The following ANO5 variants were observed in gnomAD, a reference collection of about 807,000 sequenced individuals.
The protein encoded by ANO5 is anoctamin 5, also known as anoctamin-5.
Under a neutral mutation model 121.0 loss-of-function variants are expected in ANO5, and 109 were observed. The ratio of observed to expected loss-of-function variants is 0.90; its 90% confidence interval spans 0.77 to 1.06. ANO5 has a LOEUF of 1.06. Ranked by LOEUF, ANO5 falls within the 50% of genes least tolerant of loss-of-function variation. The pLI is 0.00. For missense variants in ANO5, 1,064 were observed against 1,078.5 expected (o/e 0.99, Z 0.19); for synonymous variants, 406 against 359.9 (o/e 1.13, Z -1.45).
rs370056696 is a variant in ANO5 at position 22,254,712 on chromosome 11, T to A, written c.1181-659T>A. On this transcript the variant is annotated intron_variant, in intron 12 of 21. Coordinates refer to ENST00000324559, the MANE Select transcript of ANO5 (RefSeq NM_213599.3). ...TGGGTATATTTATTTTGTGAATTTT[T>A]TTGAATTGTACATTTATACTTTATG... Among the ~76,000 whole-genome samples the A allele has an allele frequency of 3.9e-5, 6 of 152,272 alleles. No individual in the cohort carries two copies. The South Asian group carries it at 1.0e-3, about 26-fold the overall frequency.
At chr11:22,273,912 C>T (rs1854729801) in intron 19 of ANO5, among the ~76,000 whole-genome samples, 1 of 151,912 alleles carries the variant, frequency 6.6e-6, no homozygotes, top group Non-Finnish European at 1.5e-5. Flanking sequence ...CTGAATGTAC[C>T]ATTAGCCATA....
chr11:22,276,886 T>G (rs1212767316), intron 21 of ANO5, among the ~76,000 whole-genome samples: 2 of 151,270 alleles, frequency 1.3e-5, no homozygotes, highest in African/African-American at 4.9e-5. Flanking sequence ...AAGACAATCC[T>G]AACCCAAGAA....
chr11:22,195,042 C>A (rs1231712570), intron 1 of ANO5, among the ~76,000 whole-genome samples: 1 of 152,176 alleles, frequency 6.6e-6, no homozygotes, highest in Non-Finnish European at 1.5e-5. Flanking sequence ...ATGTTACCTT[C>A]CCATCAATAA....
At chr11:22,273,869 A>T (rs1398521735) in intron 19 of ANO5, among the ~76,000 whole-genome samples, 1 of 152,098 alleles carries the variant, frequency 6.6e-6, no homozygotes, top group Non-Finnish European at 1.5e-5. Flanking sequence ...GAAAGCAAAA[A>T]TTGCCAGATC....
intron 8 of ANO5, among the ~76,000 whole-genome samples, chr11:22,237,486 G>A (rs1853262269): frequency 6.6e-6 from 1 of 152,114 alleles, no homozygotes; most frequent in Non-Finnish European, 1.5e-5. Flanking sequence ...CGTCTCCCGG[G>A]TTCAAGCAAT....
At chr11:22,228,090 G>A (rs866971767) in intron 7 of ANO5, among the ~76,000 whole-genome samples, 3 of 151,904 alleles carry the variant, frequency 2.0e-5, no homozygotes, top group Admixed American at 6.6e-5. Flanking sequence ...TGCATTTGAA[G>A]TCCTAGGATC....
chr11:22,280,103 T>C lies in ANO5; in HGVS notation c.*338T>C. On this transcript the variant is annotated 3_prime_UTR_variant, in exon 22 of 22. Transcript: ENST00000324559. ...CTGGCCTTGGGCTGTCCCATCACTT[T>C]CCAGTGCATCTATTTATTTTTGTGG... 4.1e-6 allele frequency: 1 copy of C among 243,348 alleles called. No homozygotes were observed. The highest frequency in any genetic ancestry group is 8.0e-6 in the Non-Finnish European group (1 of 125,466). 15.1% of individuals were successfully genotyped at this position (243,348 alleles called of 1,614,324 possible).
intron 17 of ANO5, 55 bp from the exon 18 acceptor site, chr11:22,270,257 T>C (rs1854557584): frequency 1.2e-6 from 2 of 1,601,058 alleles, no homozygotes; most frequent in Non-Finnish European, 1.7e-6. Context: ...TCTGATTCTC[T>C]GATCGCTTTC....
Position 22,279,572 on chromosome 11 carries a change from T to A in ANO5, c.2549T>A (p.Leu850Gln), listed in dbSNP as rs1175555170. Reference sequence around the variant, plus strand: ...GTTGTGTTTTTAGTTAAATTTTTGCTGGCCTGGATGATACCTGATGTTCCA... The same window carrying A: ...GTTGTGTTTTTAGTTAAATTTTTGCAGGCCTGGATGATACCTGATGTTCCA... Reference protein sequence around the residue: ...EHVVFLVKFLLAWMIPDVPKD... With the variant: ...EHVVFLVKFLQAWMIPDVPKD... The change falls in exon 22 of 22, where the codon CTG (leucine) becomes CAG (glutamine). Residue 850 changes from leucine (L) to glutamine (Q), a missense_variant. Coordinates refer to ENST00000324559, the MANE Select transcript of ANO5 (RefSeq NM_213599.3). The A allele has an allele frequency of 6.2e-7, 1 of 1,612,744 alleles. No homozygotes were observed. The highest frequency in any genetic ancestry group is 1.1e-5 in the South Asian group (1 of 91,058).
In ANO5 at chr11:22,281,940, A is replaced by G. The variant is rs1855095891; in HGVS notation, c.*2175A>G. On this transcript the variant is annotated 3_prime_UTR_variant, in exon 22 of 22. Transcript: ENST00000324559. Reference sequence around the variant, plus strand: ...ACTGATATTTTTTATTCACCTTTAAATTTCTTATCAAGAAGTTTATCTTTG... The same window carrying G: ...ACTGATATTTTTTATTCACCTTTAAGTTTCTTATCAAGAAGTTTATCTTTG... The G allele has an allele frequency of 6.6e-6, 1 of 152,126 alleles. No homozygotes were observed. The highest frequency in any genetic ancestry group is 6.5e-5 in the Admixed American group (1 of 15,268). 9.4% of individuals were successfully genotyped at this position (152,126 alleles called of 1,614,324 possible).
intron 9 of ANO5, among the ~76,000 whole-genome samples, chr11:22,248,904 A>G (rs1263264365): frequency 6.6e-6 from 1 of 152,028 alleles, no homozygotes; most frequent in African/African-American, 2.4e-5. Context: ...GGTAAACAGT[A>G]AATTTCATAA....
intron 8 of ANO5, among the ~76,000 whole-genome samples, chr11:22,237,577 G>C (rs1009919237): frequency 4.6e-5 from 7 of 152,036 alleles, no homozygotes; most frequent in Non-Finnish European, 7.4e-5. Context: ...TTTTAGTAGA[G>C]ACGGGGTTTT....
chr11:22,279,147 T>G (rs1359185663), intron 21 of ANO5, among the ~76,000 whole-genome samples: 2 of 151,904 alleles, frequency 1.3e-5, no homozygotes, highest in Non-Finnish European at 2.9e-5. Flanking sequence ...TTTCCTGAAC[T>G]TTTGTGACCA....
chr11:22,276,275 C>T, intron 21 of ANO5, 76 bp downstream of exon 21: 1 of 1,220,160 alleles, frequency 8.2e-7, no homozygotes, highest in South Asian at 1.2e-5. Context: ...AACCTCTCAT[C>T]AGAAAGTTAG....
chr11:22,211,948 A>G (rs1390783495), intron 3 of ANO5, among the ~76,000 whole-genome samples: 2 of 151,342 alleles, frequency 1.3e-5, no homozygotes, highest in African/African-American at 4.9e-5. Flanking sequence ...ATATTGATCA[A>G]ATTAAAACAA....
intron 19 of ANO5, 47 bp from the exon 20 acceptor site, chr11:22,274,522 C>G: frequency 6.6e-7 from 1 of 1,512,134 alleles, no homozygotes; most frequent in East Asian, 2.3e-5. Flanking sequence ...ATTATTAAAA[C>G]TAAATTGGCA....
Position 22,280,650 on chromosome 11 carries a change from G to C in ANO5, c.*885G>C, listed in dbSNP as rs1169005045. Reference sequence around the variant, plus strand: ...TTTCTTAAAAATCACTTTTCTTCTGGAATGCCAATTTCACATCATGAAGCC... The same window carrying C: ...TTTCTTAAAAATCACTTTTCTTCTGCAATGCCAATTTCACATCATGAAGCC... On this transcript the variant is annotated 3_prime_UTR_variant, in exon 22 of 22. Transcript: ENST00000324559. 6.6e-6 allele frequency: 1 copy of C among 151,878 alleles called. No homozygotes were observed. The highest frequency in any genetic ancestry group is 2.4e-5 in the African/African-American group (1 of 41,412). The allele number at this position is 151,878 out of a possible 1,614,324, so 9.4% of individuals were successfully genotyped here.
At chr11:22,226,083 CTTTAA>C (rs1487290151) in intron 6 of ANO5, 31 bp downstream of exon 6, 5 of 1,549,040 alleles carry the variant, frequency 3.2e-6, no homozygotes, top group Admixed American at 1.7e-5. Context: ...ATACAAGCCT[CTTTAA>C]TTTAAGTGTT....
intron 7 of ANO5, among the ~76,000 whole-genome samples, chr11:22,232,530 A>C (rs890508924): frequency 6.6e-6 from 1 of 151,836 alleles, no homozygotes; most frequent in African/African-American, 2.4e-5. Context: ...CACTTTCTCA[A>C]TTTTTTATGT....
Sources: gnomAD v4.1 joint callset for allele counts (sites outside exome capture counted in the v4.1 genomes callset) on GRCh38, gnomAD v4.1.1 for gene constraint, MANE v1.5 for transcripts, NCBI Gene and HGNC (gene_info 2026-07-23, HGNC 2026-07-21) for gene names.